The following PCDHGB7 variants were observed in gnomAD, a reference collection of about 807,000 sequenced individuals.
PCDHGB7 encodes protocadherin gamma-B7.
PCDHGB7 carries 37 observed loss-of-function variants against 61.4 expected under a neutral mutation model. The ratio of observed to expected loss-of-function variants is 0.60; its 90% CI spans 0.46 to 0.79. The LOEUF is 0.79. Ranked by LOEUF, PCDHGB7 falls within the 30% of genes least tolerant of loss-of-function variation. The probability of loss-of-function intolerance (pLI) is 0.00; values close to 1 mark genes in which losing one functional copy is unlikely to be tolerated. For missense variants in PCDHGB7, 1,166 were observed against 1,202.5 expected (o/e 0.97, Z 0.45); for synonymous variants, 464 against 503.5 (o/e 0.92, Z 1.05).
intron 1 of PCDHGB7, chr5:141,433,358 CCTATCTATCTAT>C (rs3074541): frequency 0.01 from 5,256 of 504,010 alleles, 38 homozygotes; most frequent in Non-Finnish European, 0.014. Flanking sequence ...CTACTGTCTG[CCTATCTATCTAT>C]CTATCTATCT....
intron 1 of PCDHGB7, chr5:141,430,592 C>A (rs2097296542): frequency 1.8e-6 from 1 of 544,568 alleles, no homozygotes; most frequent in Non-Finnish European, 2.9e-6. Flanking sequence ...TCGCCTTGCA[C>A]GCGCCTGAAG....
At chr5:141,429,105 C>G (rs936114624) in intron 1 of PCDHGB7, 1 of 152,318 alleles carries the variant, frequency 6.6e-6, no homozygotes, top group Non-Finnish European at 1.5e-5. Flanking sequence ...CTGCCCGCCT[C>G]GGCCTCCCAA....
rs568864628 is a variant in PCDHGB7 at position 141,419,465 on chromosome 5, G to A, written c.1606G>A (p.Asp536Asn). ...CTTCGAGCTCACGCTGCAGGCCCGCGACCAGGGCTCGCCCGCGCTCAGCGC... is the reference window on the plus strand; with the variant it reads ...CTTCGAGCTCACGCTGCAGGCCCGCAACCAGGGCTCGCCCGCGCTCAGCGC... ...RTFELTLQAR[D>N]QGSPALSANV... Residue 536 changes from aspartate to asparagine, a missense_variant, in exon 1 of 4, where the codon GAC becomes AAC. Transcript: ENST00000398594. The A allele has an allele frequency of 1.9e-6, 3 of 1,612,544 alleles. No homozygotes were observed. The highest frequency in any genetic ancestry group is 1.1e-5 in the South Asian group (1 of 90,994).
chr5:141,430,383 G>GAAA (rs139772145), intron 1 of PCDHGB7, among the ~76,000 whole-genome samples: 2 of 138,566 alleles, frequency 1.4e-5, no homozygotes, highest in South Asian at 4.6e-4. Flanking sequence ...AGCTCATTGG[G>GAAA]AAAAAAAAAA....
At position 141,491,052 on chromosome 5, in the gene PCDHGB7, G is replaced by A. The variant is rs2099707642; in HGVS notation, c.2416-3755G>A. ...ATGCTGATGCAGGCCACAATGCGTG[G>A]CTCTCCTACTCACTGTTGCCACAGT... On this transcript the variant is annotated intron_variant, in intron 1 of 3. Transcript: ENST00000398594. The surrounding 1 kb of genome is among the most constrained non-coding windows in gnomAD (Gnocchi z 6.9). 3.1e-6 allele frequency: 5 copies of A among 1,614,038 alleles called. No individual in the cohort carries two copies. The highest frequency in any genetic ancestry group is 4.2e-6 in the Non-Finnish European group (5 of 1,180,032).
At chr5:141,482,235 T>C (rs2099554999) in intron 1 of PCDHGB7, among the ~76,000 whole-genome samples, 1 of 152,174 alleles carries the variant, frequency 6.6e-6, no homozygotes, top group Non-Finnish European at 1.5e-5. Context: ...AAATTGCCAA[T>C]ATAAGTATAG....
In PCDHGB7 at chr5:141,432,510, C is replaced by A; in HGVS notation, c.2415+12236C>A. 1 of 1,614,140 alleles carries A rather than the reference C, an allele frequency of 6.2e-7. No homozygotes were observed. The highest frequency in any genetic ancestry group is 8.5e-7 in the Non-Finnish European group (1 of 1,180,042). On this transcript the variant is annotated intron_variant, in intron 1 of 3. Coordinates refer to ENST00000398594, the MANE Select transcript of PCDHGB7 (RefSeq NM_018927.4). The surrounding 1 kb of genome is among the most constrained non-coding windows in gnomAD (Gnocchi z 6.0). ...GAGCTGGCTCCCCGCTCCGCAGAGCCCGGCTACCTGGTGACCAAGGTGGTG... is the reference window on the plus strand; with the variant it reads ...GAGCTGGCTCCCCGCTCCGCAGAGCACGGCTACCTGGTGACCAAGGTGGTG...
In PCDHGB7 at chr5:141,418,939, C is replaced by T. The variant is rs766248741; in HGVS notation, c.1080C>T (p.Ser360=). The T allele has an allele frequency of 8.7e-6, 14 of 1,613,642 alleles. No individual in the cohort carries two copies. In the African/African-American group the frequency reaches 1.7e-4, roughly 20 times the overall value. The change falls in exon 1 of 4, where the codon TCC becomes TCT. Residue 360 remains serine (S), a synonymous_variant. Transcript: ENST00000398594. ...TCTCTGATCAGATTATGGAGGATTC[C>T]CCTCCAGGAGTGGTTGTTGCCCTCT... ...TSLSDQIMED[S]PPGVVVALFK... is the part of the protein sequence containing the mutation.
At position 141,493,026 on chromosome 5, in the gene PCDHGB7, C is replaced by G. The variant is rs73280358; in HGVS notation, c.2416-1781C>G. Reference sequence around the variant, plus strand: ...TAGGCTCTGCCAGATGCCAGGGTGCCCTTATGTGTGAGGAAACTACAATAG... The same window carrying G: ...TAGGCTCTGCCAGATGCCAGGGTGCGCTTATGTGTGAGGAAACTACAATAG... On this transcript the variant is annotated intron_variant, in intron 1 of 3. Coordinates refer to ENST00000398594, the MANE Select transcript of PCDHGB7 (RefSeq NM_018927.4). This position sits in a 1 kb window ranked among gnomAD's most constrained non-coding sequence, Gnocchi z 4.3. 0.039 allele frequency among the ~76,000 whole-genome samples: 5,923 copies of G among 152,298 alleles called. 150 individuals are homozygous for G. The highest frequency in any genetic ancestry group is 0.077 in the South Asian group (370 of 4,822).
intron 1 of PCDHGB7, among the ~76,000 whole-genome samples, chr5:141,492,920 G>A (rs2099745093): frequency 6.6e-6 from 1 of 152,198 alleles, no homozygotes; most frequent in African/African-American, 2.4e-5. Context: ...TGTGCCCAGC[G>A]ATCTAGGGTC....
intron 1 of PCDHGB7, among the ~76,000 whole-genome samples, chr5:141,450,363 T>C (rs2098678373): frequency 6.6e-6 from 1 of 152,162 alleles, no homozygotes; most frequent in Admixed American, 6.5e-5. Flanking sequence ...TTCCTCAGCC[T>C]TGTTTGTTTA....
intron 1 of PCDHGB7, chr5:141,422,210 T>C: frequency 6.4e-7 from 1 of 1,562,390 alleles, no homozygotes; most frequent in South Asian, 1.2e-5. Flanking sequence ...GGTGGAGGTC[T>C]CTTTACCACC....
At chr5:141,464,282 A>AG (rs1318553407) in intron 1 of PCDHGB7, among the ~76,000 whole-genome samples, 1 of 151,396 alleles carries the variant, frequency 6.6e-6, no homozygotes, top group Non-Finnish European at 1.5e-5. Flanking sequence ...AAAAAAGCAA[A>AG]AAAAAAAACT....
In PCDHGB7 at chr5:141,512,443, CCTT is replaced by C. The variant is rs1263805618; in HGVS notation, c.*1272_*1274del. On this transcript the variant is annotated 3_prime_UTR_variant, in exon 4 of 4. Coordinates refer to ENST00000398594, the MANE Select transcript of PCDHGB7 (RefSeq NM_018927.4). ...GCCCCTGCCCTCCTGAAGCCTCAGT[CCTT>C]CACCTTGCCAGGTGCCGTTTCTCTT... The C allele has an allele frequency of 1.3e-5, 2 of 152,896 alleles. No homozygotes were observed. The highest frequency in any genetic ancestry group is 4.8e-5 in the African/African-American group (2 of 41,468). 9.5% of individuals were successfully genotyped at this position (152,896 alleles called of 1,614,324 possible).
rs200254467 is a variant in PCDHGB7 at position 141,419,887 on chromosome 5, C to T, written c.2028C>T (p.Ser676=). 380 of 1,614,050 alleles carry T rather than the reference C, an allele frequency of 2.4e-4. 1 individual carries two copies. The Admixed American group carries it at 2.6e-3, about 11-fold the overall frequency. ...TGCAAGAGGTACTGCCGGATTTCAGCGACCATCCCACACCCTCTGACTCCC... is the reference window on the plus strand; with the variant it reads ...TGCAAGAGGTACTGCCGGATTTCAGTGACCATCCCACACCCTCTGACTCCC... ...DSLQEVLPDF[S]DHPTPSDSQA... is the part of the protein sequence containing the mutation. The change falls in exon 1 of 4, where the codon AGC becomes AGT. Residue 676 remains serine (S), a synonymous_variant. Transcript: ENST00000398594.
Position 141,487,548 on chromosome 5 carries a change from G to T in PCDHGB7, c.2416-7259G>T. The T allele has an allele frequency of 6.2e-7, 1 of 1,614,190 alleles. No homozygotes were observed. Among genetic ancestry groups the T allele is most frequent in the Non-Finnish European group, 8.5e-7 (1 of 1,180,038 alleles). ...AGCTTCATGATGGTGAAGTCACCCA[G>T]TGCACCTATGGCAGGGGAGCCTGTT... is the stretch of plus-strand genomic sequence containing the variant. On this transcript the variant is annotated intron_variant, in intron 1 of 3. Coordinates refer to ENST00000398594, the MANE Select transcript of PCDHGB7 (RefSeq NM_018927.4). The surrounding 1 kb of genome is among the most constrained non-coding windows in gnomAD (Gnocchi z 5.0).
intron 1 of PCDHGB7, among the ~76,000 whole-genome samples, chr5:141,454,900 C>T (rs1411402448): frequency 1.4e-5 from 2 of 145,486 alleles, no homozygotes; most frequent in African/African-American, 2.6e-5. Flanking sequence ...CACCGCCTCC[C>T]GGGTTCACGC....
intron 1 of PCDHGB7, chr5:141,478,777 C>T: frequency 6.7e-7 from 1 of 1,488,806 alleles, no homozygotes. Context: ...CATCTGTGGA[C>T]CTAATTCACA....
chr5:141,477,988 C>T lies in PCDHGB7; in HGVS notation c.2416-16819C>T, dbSNP rs771241128. The T allele has an allele frequency of 6.2e-7, 1 of 1,614,160 alleles. No individual in the cohort carries two copies. Among genetic ancestry groups the T allele is most frequent in the Non-Finnish European group, 8.5e-7 (1 of 1,180,032 alleles). On this transcript the variant is annotated intron_variant, in intron 1 of 3. Coordinates refer to ENST00000398594, the MANE Select transcript of PCDHGB7 (RefSeq NM_018927.4). This position sits in a 1 kb window ranked among gnomAD's most constrained non-coding sequence, Gnocchi z 4.9. ...AGAGCCTTTTTGCCATAGGGCTGCA[C>T]ACTGGTCAAATCAGTACTGCCCGTC...
Sources: gnomAD v4.1 joint callset for allele counts (sites outside exome capture counted in the v4.1 genomes callset) on GRCh38, gnomAD v4.1.1 for gene constraint, Gnocchi (gnomAD v3.1) non-coding constraint, MANE v1.5 for transcripts, NCBI Gene and HGNC (gene_info 2026-07-23, HGNC 2026-07-21) for gene names.